The following CCDC80 variants were observed in gnomAD, a reference collection of about 807,000 sequenced individuals.
The protein encoded by CCDC80 is coiled-coil domain containing 80, also known as coiled-coil domain-containing protein 80.
Under a neutral mutation model 78.7 loss-of-function variants are expected in CCDC80, and 49 were observed. The observed-to-expected ratio is 0.62, with a 90% confidence interval of 0.50 to 0.79. The LOEUF (loss-of-function observed/expected upper bound fraction) is 0.79. Among genes scored for constraint, CCDC80 ranks in the 30% least tolerant of loss-of-function variants. CCDC80 has a pLI of 0.00. For missense variants in CCDC80, 1,205 were observed against 1,198.6 expected, an observed-to-expected ratio of 1.01 and a Z score of -0.08; for synonymous variants, 488 against 447.0, an observed-to-expected ratio of 1.09 and a Z score of -1.16.
chr3:112,613,953 C>A (rs1268332532), intron 5 of CCDC80, among the ~76,000 whole-genome samples: 1 of 151,834 alleles, frequency 6.6e-6, no homozygotes, highest in Non-Finnish European at 1.5e-5. Flanking sequence ...AAAATGACAA[C>A]TTGAAACTAC....
intron 3 of CCDC80, among the ~76,000 whole-genome samples, chr3:112,629,376 C>A (rs912355445): frequency 1.8e-4 from 28 of 151,528 alleles, no homozygotes; most frequent in Admixed American, 1.2e-3. Flanking sequence ...CCTAGAGATG[C>A]AATAATTATG....
intron 2 of CCDC80, among the ~76,000 whole-genome samples, chr3:112,637,114 T>C (rs1936222843): frequency 6.6e-6 from 1 of 152,226 alleles, no homozygotes; most frequent in African/African-American, 2.4e-5. Context: ...GAGATGAATC[T>C]GTGCCTTACT....
intron 3 of CCDC80, among the ~76,000 whole-genome samples, chr3:112,629,280 G>GT (rs1270093176): frequency 0.033 from 4,784 of 143,722 alleles, 95 homozygotes; most frequent in Non-Finnish European, 0.043. Context: ...TTACTCTAAG[G>GT]TTTTTTTTTT....
In CCDC80 at chr3:112,639,606, G is replaced by T; in HGVS notation, c.300C>A (p.Ala100=). 6.2e-7 allele frequency: 1 copy of T among 1,614,124 alleles called. No homozygotes were observed. Among genetic ancestry groups the T allele is most frequent in the Non-Finnish European group, 8.5e-7 (1 of 1,180,032 alleles). Residue 100 remains alanine (A), a synonymous_variant, in exon 2 of 8, where the codon GCC becomes GCA. Transcript: ENST00000206423. Reference sequence around the variant, plus strand: ...CTGGTCTTTGCTCAGGTCTCACGGCGGCCCCATTGATGTCCGAGCGGGCTG... The same window carrying T: ...CTGGTCTTTGCTCAGGTCTCACGGCTGCCCCATTGATGTCCGAGCGGGCTG... ...EPPARSDING[A]AVRPEQRPAA...
At chr3:112,609,474 A>T (rs1004394549) in intron 6 of CCDC80, among the ~76,000 whole-genome samples, 11 of 152,160 alleles carry the variant, frequency 7.2e-5, no homozygotes, top group African/African-American at 2.7e-4. Flanking sequence ...TTTTAAAAAA[A>T]ATTCTTTCAC....
At chr3:112,615,928 G>C (rs1014420639) in intron 5 of CCDC80, among the ~76,000 whole-genome samples, 1 of 152,212 alleles carries the variant, frequency 6.6e-6, no homozygotes, top group Admixed American at 6.5e-5. Context: ...GCAAGCAGCA[G>C]CCCTCGGGGC....
chr3:112,599,901 A>C lies in CCDC80; in HGVS notation c.*5516T>G, dbSNP rs1935345392. The C allele has an allele frequency of 6.6e-6, 1 of 152,232 alleles. No individual in the cohort carries two copies. Among genetic ancestry groups the C allele is most frequent in the South Asian group, 2.1e-4 (1 of 4,832 alleles). 9.4% of individuals were successfully genotyped at this position (152,232 alleles called of 1,614,324 possible). On this transcript the variant is annotated 3_prime_UTR_variant, in exon 8 of 8. Coordinates refer to ENST00000206423, the MANE Select transcript of CCDC80 (RefSeq NM_199511.3). Reference sequence around the variant, plus strand: ...GACAACCAGCAATTTCGGCAAAGCTATGTCCTCAAGAGTCTTCCAGATTTC... The same window carrying C: ...GACAACCAGCAATTTCGGCAAAGCTCTGTCCTCAAGAGTCTTCCAGATTTC...
At chr3:112,607,425 ATACT>A (rs1212561695) in intron 6 of CCDC80, among the ~76,000 whole-genome samples, 169 bp from the exon 7 acceptor site, 1 of 152,228 alleles carries the variant, frequency 6.6e-6, no homozygotes, top group Non-Finnish European at 1.5e-5. Flanking sequence ...AAGGAAGAAA[ATACT>A]TTCAAAACCT....
rs1444194734 is a variant in CCDC80, at chr3:112,602,311, A to T, written c.*3106T>A. Reference sequence around the variant, plus strand: ...TTCTCAGGCCTCCTTAGTCCCTGAGACACAATATTGAAAGTAGATCAATTA... The same window carrying T: ...TTCTCAGGCCTCCTTAGTCCCTGAGTCACAATATTGAAAGTAGATCAATTA... On this transcript the variant is annotated 3_prime_UTR_variant, in exon 8 of 8. Transcript: ENST00000206423. 1 of 152,198 alleles carries T rather than the reference A, an allele frequency of 6.6e-6. No individual in the cohort carries two copies. The highest frequency in any genetic ancestry group is 1.9e-4 in the East Asian group (1 of 5,202). The allele number at this position is 152,198 out of a possible 1,614,324, so 9.4% of individuals were successfully genotyped here.
rs760821405 is a variant in CCDC80 at position 112,613,315 on chromosome 3, G to A, written c.2322-3234C>T. On this transcript the variant is annotated intron_variant, in intron 5 of 7. Transcript: ENST00000206423. ...GAGTTATGACTACAAATCAGGCACC[G>A]CTATGGGACATCCAAATTGTAATTA... is the stretch of plus-strand genomic sequence containing the variant. Among the ~76,000 whole-genome samples, 21 of 152,112 alleles carry A rather than the reference G, an allele frequency of 1.4e-4. 1 individual carries two copies. The highest frequency in any genetic ancestry group is 8.3e-4 in the South Asian group (4 of 4,820).
rs529604031 is a variant in CCDC80 at position 112,638,534 on chromosome 3, C to T, written c.1372G>A (p.Ala458Thr). 1 of 1,614,090 alleles carries T rather than the reference C, an allele frequency of 6.2e-7. No homozygotes were observed. Among genetic ancestry groups the T allele is most frequent in the African/African-American group, 1.3e-5 (1 of 74,994 alleles). The change falls in exon 2 of 8, where the codon GCT becomes ACT. Residue 458 changes from alanine to threonine, a missense_variant. Coordinates refer to ENST00000206423, the MANE Select transcript of CCDC80 (RefSeq NM_199511.3). Reference protein sequence around the residue: ...TTISEPSTRAAGPGRFRDNRM... With the variant: ...TTISEPSTRATGPGRFRDNRM... ...TTGTCCCGGAAACGGCCTGGGCCAG[C>T]AGCCCTTGTGCTGGGTTCTGAGATG...
At chr3:112,609,328 C>T (rs1295097262) in intron 6 of CCDC80, among the ~76,000 whole-genome samples, 3 of 152,128 alleles carry the variant, frequency 2.0e-5, no homozygotes, top group Non-Finnish European at 4.4e-5. Context: ...AGCATATATT[C>T]GTTTTCAAAA....
At chr3:112,611,357 A>C (rs1190064787) in intron 5 of CCDC80, among the ~76,000 whole-genome samples, 1 of 152,210 alleles carries the variant, frequency 6.6e-6, no homozygotes, top group African/African-American at 2.4e-5. Flanking sequence ...TTCTGGGTGT[A>C]GAACTTTATC....
Position 112,601,264 on chromosome 3 carries a change from T to TA in CCDC80, c.*4152dup, listed in dbSNP as rs1327638284. 1 of 152,208 alleles carries TA rather than the reference T, an allele frequency of 6.6e-6. No homozygotes were observed. The highest frequency in any genetic ancestry group is 1.5e-5 in the Non-Finnish European group (1 of 68,026). 9.4% of individuals were successfully genotyped at this position (152,208 alleles called of 1,614,324 possible). ...TCAGATATAAAGAAAAATCTGAACA[T>TA]ACAGTAGGCACAGATAAACCTATAG... On this transcript the variant is annotated 3_prime_UTR_variant, in exon 8 of 8. Transcript: ENST00000206423.
chr3:112,637,225 A>G (rs980002351), intron 2 of CCDC80, among the ~76,000 whole-genome samples: 11 of 152,296 alleles, frequency 7.2e-5, no homozygotes, highest in African/African-American at 2.6e-4. Context: ...TACACATTTT[A>G]CAGAGCCCCC....
At position 112,636,816 on chromosome 3, in the gene CCDC80, T is replaced by A. The variant is rs949867574; in HGVS notation, c.1878+1212A>T. Among the ~76,000 whole-genome samples the A allele has an allele frequency of 1.5e-4, 23 of 152,192 alleles. 1 individual carries two copies. The highest frequency in any genetic ancestry group is 1.5e-3 in the Admixed American group (23 of 15,284). ...GAGTTGATTCTCTCACCCAGGCATC[T>A]GAGAAAATCATTCCTGACTCACATT... On this transcript the variant is annotated intron_variant, in intron 2 of 7. Coordinates refer to ENST00000206423, the MANE Select transcript of CCDC80 (RefSeq NM_199511.3).
In CCDC80 at chr3:112,598,843, G is replaced by T. The variant is rs1360555889; in HGVS notation, c.*6574C>A. The T allele has an allele frequency of 6.6e-6, 1 of 152,280 alleles. No homozygotes were observed. Among genetic ancestry groups the T allele is most frequent in the African/African-American group, 2.4e-5 (1 of 41,438 alleles). The allele number at this position is 152,280 out of a possible 1,614,324, so 9.4% of individuals were successfully genotyped here. A position where few individuals can be genotyped will look rare whatever the true frequency, so the allele number is the denominator to read the frequency against. The stretch of plus-strand genomic sequence containing the variant: ...TCTGGCTGTAAGGAGATGATGAGGG[G>T]TTCTGTGTGTTGGAGGTGATGACCT... On this transcript the variant is annotated 3_prime_UTR_variant, in exon 8 of 8. Coordinates refer to ENST00000206423, the MANE Select transcript of CCDC80 (RefSeq NM_199511.3).
chr3:112,638,711 T>C lies in CCDC80; in HGVS notation c.1195A>G (p.Thr399Ala), dbSNP rs1936266896. The change falls in exon 2 of 8, where the codon ACC (threonine) becomes GCC (alanine). Residue 399 changes from threonine (T) to alanine (A), a missense_variant. By Grantham distance (58) the Thr-to-Ala change is moderately conservative. Transcript: ENST00000206423. ...TPSPSHRPPTTTEVITARRPS... is the reference protein window; with the variant it reads ...TPSPSHRPPTATEVITARRPS... ...CTCCTGGCAGTGATCACCTCAGTGGTTGTAGGGGGCCTGTGGGAGGGTGAG... is the reference window on the plus strand; with the variant it reads ...CTCCTGGCAGTGATCACCTCAGTGGCTGTAGGGGGCCTGTGGGAGGGTGAG... 6.2e-7 allele frequency: 1 copy of C among 1,613,888 alleles called. No homozygotes were observed. Among genetic ancestry groups the C allele is most frequent in the Non-Finnish European group, 8.5e-7 (1 of 1,179,958 alleles).
rs1237233947 is a variant in CCDC80, at chr3:112,603,677, G to A, written c.*1740C>T. ...GAACTTGGATAGAGATATACAAGGA[G>A]ATTAATATTTTCGTGCCTGCTAACA... On this transcript the variant is annotated 3_prime_UTR_variant, in exon 8 of 8. Transcript: ENST00000206423. The A allele has an allele frequency of 6.6e-6, 1 of 151,388 alleles. No individual in the cohort carries two copies. The highest frequency in any genetic ancestry group is 2.4e-5 in the African/African-American group (1 of 41,188). 9.4% of individuals were successfully genotyped at this position (151,388 alleles called of 1,614,324 possible).
Sources: gnomAD v4.1 joint callset for allele counts (sites outside exome capture counted in the v4.1 genomes callset) on GRCh38, gnomAD v4.1.1 for gene constraint, MANE v1.5 for transcripts, NCBI Gene and HGNC (gene_info 2026-07-23, HGNC 2026-07-21) for gene names.